The following AMPD1 variants were observed in gnomAD, a reference collection of about 807,000 sequenced individuals.
The protein encoded by AMPD1 is AMP deaminase 1.
AMPD1 carries 74 observed loss-of-function variants against 82.9 expected under a neutral mutation model. The ratio of observed to expected loss-of-function variants is 0.89; its 90% CI spans 0.74 to 1.08. The LOEUF (loss-of-function observed/expected upper bound fraction) is 1.08. AMPD1 is among the 50% of genes least tolerant of loss of function. The pLI, the probability that AMPD1 is intolerant of heterozygous loss-of-function variation, is 0.00. For synonymous variants in AMPD1, 333 were observed against 320.5 expected, an observed-to-expected ratio of 1.04 and a Z score of -0.42; for missense variants, 881 against 924.5, an observed-to-expected ratio of 0.95 and a Z score of 0.61.
intron 3 of AMPD1, 118 bp downstream of exon 3, chr1:114,688,441 ACT>A: frequency 8.2e-7 from 1 of 1,213,228 alleles, no homozygotes; most frequent in Non-Finnish European, 1.2e-6. Context: ...GGAATTGCTA[ACT>A]CTGGCAGAGT....
rs771050676 is a variant in AMPD1 at position 114,674,074 on chromosome 1, C to T, written c.1809G>A (p.Val603=). The T allele has an allele frequency of 4.3e-6, 7 of 1,613,608 alleles. No homozygotes were observed. The highest frequency in any genetic ancestry group is 1.3e-5 in the African/African-American group (1 of 75,002). Residue 603 remains valine, a synonymous_variant, in exon 14 of 16, where the codon GTG becomes GTA. Transcript: ENST00000520113. ...SHGLNLKKSP[V]LQYLFFLAQI... ...GGGCTAAGAAAAACAAGTACTGTAGCACGGGACTCTGAAAAAGAAAAGTAA... is the reference window on the plus strand; with the variant it reads ...GGGCTAAGAAAAACAAGTACTGTAGTACGGGACTCTGAAAAAGAAAAGTAA...
rs1283873616 is a variant in AMPD1, at chr1:114,674,080, A to G, written c.1803T>C (p.Ser601=). The change falls in exon 14 of 16, where the codon AGT becomes AGC. Residue 601 remains serine, a splice_region_variant and synonymous_variant. Coordinates refer to ENST00000520113, the MANE Select transcript of AMPD1 (RefSeq NM_000036.3). ...DISHGLNLKK[S]PVLQYLFFLA... The stretch of plus-strand genomic sequence containing the variant: ...AGAAAAACAAGTACTGTAGCACGGG[A>G]CTCTGAAAAAGAAAAGTAAAAAAAT... The G allele has an allele frequency of 1.2e-6, 2 of 1,613,394 alleles. No homozygotes were observed. The highest frequency in any genetic ancestry group is 3.3e-5 in the Admixed American group (2 of 59,996).
chr1:114,694,207 C>T (rs547051048), intron 1 of AMPD1, among the ~76,000 whole-genome samples: 141 of 151,938 alleles, frequency 9.3e-4, no homozygotes, highest in African/African-American at 3.2e-3. Context: ...CAGAGCGAGA[C>T]TCTGTCTCTA....
intron 2 of AMPD1, among the ~76,000 whole-genome samples, chr1:114,689,828 GA>G (rs1658463575): frequency 6.6e-6 from 1 of 152,006 alleles, no homozygotes; most frequent in African/African-American, 2.4e-5. Context: ...AAAAAGAAAA[GA>G]AAACCAGTGT....
rs148103122 is a variant in AMPD1, at chr1:114,680,806, C to G, written c.548-328G>C. Among the ~76,000 whole-genome samples the G allele has an allele frequency of 7.6e-3, 1,157 of 152,050 alleles. 8 individuals are homozygous for G. The highest frequency in any genetic ancestry group is 0.048 in the Middle Eastern group (14 of 294). On this transcript the variant is annotated intron_variant, in intron 5 of 15. Coordinates refer to ENST00000520113, the MANE Select transcript of AMPD1 (RefSeq NM_000036.3). ...ATATGGTGAAACCCCGTCTCTACTA[C>G]AAATACACAAATTAGCCAGGCTGTG...
At chr1:114,688,078 A>G (rs777637681) in intron 3 of AMPD1, among the ~76,000 whole-genome samples, 17 of 151,870 alleles carry the variant, frequency 1.1e-4, no homozygotes, top group Non-Finnish European at 5.9e-5. Flanking sequence ...TTCTTTTTTC[A>G]TCATTGGCCC....
chr1:114,694,223 A>G (rs1178158902), intron 1 of AMPD1, among the ~76,000 whole-genome samples: 1 of 150,286 alleles, frequency 6.7e-6, no homozygotes, highest in Admixed American at 6.6e-5. Flanking sequence ...CTCTAAAAAA[A>G]CAAAAACAAA....
At chr1:114,678,943 C>A (rs1222707808) in intron 7 of AMPD1, among the ~76,000 whole-genome samples, 8 of 152,180 alleles carry the variant, frequency 5.3e-5, no homozygotes, top group Non-Finnish European at 1.2e-4. Context: ...ATTCTTATAA[C>A]TAAATTTTAT....
At chr1:114,682,873 T>C (rs912906364) in intron 5 of AMPD1, among the ~76,000 whole-genome samples, 1 of 152,196 alleles carries the variant, frequency 6.6e-6, no homozygotes, top group Admixed American at 6.5e-5. Context: ...CCACCGCGCC[T>C]GGCCTCAAAA....
Position 114,673,175 on chromosome 1 carries a change from C to T in AMPD1, c.2183G>A (p.Arg728His), listed in dbSNP as rs142643298. Reference sequence around the variant, plus strand: ...GAGTTCATAACACCAGGTTTCATAGCGATAGGCCATGCGGATTTGGGCTAC... The same window carrying T: ...GAGTTCATAACACCAGGTTTCATAGTGATAGGCCATGCGGATTTGGGCTAC... The part of the protein sequence containing the change: ...TNVAQIRMAY[R>H]YETWCYELNL... Residue 728 changes from arginine (R) to histidine (H), a missense_variant, in exon 16 of 16, where the codon CGC (arginine) becomes CAC (histidine). By Grantham distance (29) the Arg-to-His change is conservative. Coordinates refer to ENST00000520113, the MANE Select transcript of AMPD1 (RefSeq NM_000036.3). The T allele has an allele frequency of 2.7e-5, 44 of 1,614,112 alleles. No homozygotes were observed. In the African/African-American group the frequency reaches 5.2e-4, roughly 19 times the overall value.
At chr1:114,679,974 A>G (rs1658109418) in intron 6 of AMPD1, among the ~76,000 whole-genome samples, 2 of 152,256 alleles carry the variant, frequency 1.3e-5, no homozygotes, top group Admixed American at 1.3e-4. Context: ...GTTTGGGGTC[A>G]GCAGATTCGA....
At chr1:114,691,496 A>T (rs1658515311) in intron 2 of AMPD1, among the ~76,000 whole-genome samples, 1 of 152,142 alleles carries the variant, frequency 6.6e-6, no homozygotes, top group Non-Finnish European at 1.5e-5. Context: ...TGAGCCCAGA[A>T]GGTTGAGGCT....
intron 2 of AMPD1, among the ~76,000 whole-genome samples, chr1:114,689,362 G>A (rs1658438231): frequency 6.6e-6 from 1 of 152,190 alleles, no homozygotes; most frequent in African/African-American, 2.4e-5. Flanking sequence ...TTACTACCAA[G>A]TGCTGGAAGT....
At position 114,686,759 on chromosome 1, in the gene AMPD1, C is replaced by A; in HGVS notation, c.367G>T (p.Asp123Tyr). 6.2e-7 allele frequency: 1 copy of A among 1,614,092 alleles called. No individual in the cohort carries two copies. Among genetic ancestry groups the A allele is most frequent in the South Asian group, 1.1e-5 (1 of 91,076 alleles). ...PDFQRVQITG[D>Y]YASGVTVEDF... is the part of the protein sequence containing the mutation. ...GACCAACTCACCCCAGAGGCATAGT[C>A]ACCAGTAATCTGCACTCTCTGAAAA... is the stretch of plus-strand genomic sequence containing the variant. The change falls in exon 4 of 16, where the codon GAC becomes TAC. Residue 123 changes from aspartate (D) to tyrosine (Y), a missense_variant. By Grantham distance (160) the Asp-to-Tyr change is radical. Transcript: ENST00000520113.
At chr1:114,677,028 A>G (rs1274777975) in intron 10 of AMPD1, among the ~76,000 whole-genome samples, 2 of 152,156 alleles carry the variant, frequency 1.3e-5, no homozygotes, top group Non-Finnish European at 1.5e-5. Context: ...TGGACTTGAC[A>G]CAGAGAAGAC....
chr1:114,684,879 CACA>C (rs1334304478), intron 4 of AMPD1, among the ~76,000 whole-genome samples: 3 of 152,130 alleles, frequency 2.0e-5, no homozygotes, highest in African/African-American at 7.2e-5. Flanking sequence ...TACGATGGAT[CACA>C]ACATCATTCT....
intron 12 of AMPD1, among the ~76,000 whole-genome samples, 185 bp downstream of exon 12, chr1:114,675,345 G>T (rs944038852): frequency 6.6e-6 from 1 of 151,934 alleles, no homozygotes; most frequent in Non-Finnish European, 1.5e-5. Context: ...TGAAAGCATC[G>T]AAATACCGAT....
At chr1:114,683,186 T>C (rs752982830) in intron 5 of AMPD1, 2 of 450,440 alleles carry the variant, frequency 4.4e-6, no homozygotes, top group Non-Finnish European at 8.8e-6. Flanking sequence ...TCAGAACATG[T>C]AGTTTACATC....
At chr1:114,674,355 A>G (rs893186265) in intron 13 of AMPD1, among the ~76,000 whole-genome samples, 33 of 152,212 alleles carry the variant, frequency 2.2e-4, no homozygotes, top group African/African-American at 8.0e-4. Context: ...TGTCTCAGGC[A>G]AAAGACTTTG....
Sources: gnomAD v4.1 joint callset for allele counts (sites outside exome capture counted in the v4.1 genomes callset) on GRCh38, gnomAD v4.1.1 for gene constraint, MANE v1.5 for transcripts, NCBI Gene and HGNC (gene_info 2026-07-23, HGNC 2026-07-21) for gene names.